VSTM5: variants seen among roughly 807,000 people sequenced by gnomAD.
The protein encoded by VSTM5 is V-set and transmembrane domain-containing protein 5.
A neutral mutation model predicts 20.3 loss-of-function variants in VSTM5; 21 were observed. The ratio of observed to expected loss-of-function variants is 1.03; its 90% CI spans 0.73 to 1.49. VSTM5 has a LOEUF of 1.49. VSTM5 is among the 40% of genes most tolerant of loss of function. VSTM5 has a pLI of 0.00. For missense variants in VSTM5, 219 were observed against 250.0 expected (o/e 0.88, Z 0.84); for synonymous variants, 100 against 102.5 (o/e 0.98, Z 0.14).
chr11:93,841,844 CA>C (rs1236088644), intron 1 of VSTM5, among the ~76,000 whole-genome samples: 2 of 152,140 alleles, frequency 1.3e-5, no homozygotes, highest in Non-Finnish European at 2.9e-5. Flanking sequence ...GTCAATGGAT[CA>C]AGAGTGAAAG....
At chr11:93,824,905 A>C (rs996935103) in intron 1 of VSTM5, among the ~76,000 whole-genome samples, 3 of 152,198 alleles carry the variant, frequency 2.0e-5, no homozygotes, top group Non-Finnish European at 4.4e-5. Flanking sequence ...TTTTGCCAAC[A>C]CCCTTTATGA....
intron 1 of VSTM5, among the ~76,000 whole-genome samples, chr11:93,845,451 T>G (rs954030669): frequency 6.6e-6 from 1 of 152,204 alleles, no homozygotes; most frequent in Non-Finnish European, 1.5e-5. Flanking sequence ...AAATGTCCTG[T>G]GCTCCTTTTA....
rs952993484 is a variant in VSTM5, at chr11:93,847,019, C to G, written c.91+3393G>C. Among the ~76,000 whole-genome samples the G allele has an allele frequency of 5.9e-5, 9 of 152,252 alleles. No individual in the cohort carries two copies. In the South Asian group the frequency reaches 1.7e-3, roughly 28 times the overall value. On this transcript the variant is annotated intron_variant, in intron 1 of 3. Coordinates refer to ENST00000409977, the MANE Select transcript of VSTM5 (RefSeq NM_001144871.2). ...TGACCTTGTGATCCGCCCGGCTCGG[C>G]CTCCCAAAGTGCTGGGATTACAGGC...
At position 93,818,768 on chromosome 11, in the gene VSTM5, A is replaced by G. The variant is rs1944153369; in HGVS notation, c.*1801T>C. The G allele has an allele frequency of 6.6e-6, 1 of 152,334 alleles. No homozygotes were observed. Among genetic ancestry groups the G allele is most frequent in the Admixed American group, 6.5e-5 (1 of 15,300 alleles). 9.4% of individuals were successfully genotyped at this position (152,334 alleles called of 1,614,324 possible). On this transcript the variant is annotated 3_prime_UTR_variant, in exon 4 of 4. Transcript: ENST00000409977. ...AAGACAAGAAAGAAATCAGCAGATT[A>G]TCCTTGAGCCCCTTGGATACTGCTC... is the stretch of plus-strand genomic sequence containing the variant.
At chr11:93,833,683 T>C (rs1395363213) in intron 1 of VSTM5, among the ~76,000 whole-genome samples, 2 of 152,152 alleles carry the variant, frequency 1.3e-5, no homozygotes, top group Non-Finnish European at 2.9e-5. Context: ...ACAAAACTTG[T>C]TCCTTTGAGA....
chr11:93,838,483 C>CA (rs965501164), intron 1 of VSTM5, among the ~76,000 whole-genome samples: 8 of 150,754 alleles, frequency 5.3e-5, no homozygotes, highest in African/African-American at 2.0e-4. Flanking sequence ...AAAAAACCCA[C>CA]AAAAAACAAA....
rs1264641099 is a variant in VSTM5 at position 93,819,921 on chromosome 11, A to C, written c.*648T>G. 1 of 152,468 alleles carries C rather than the reference A, an allele frequency of 6.6e-6. No homozygotes were observed. Among genetic ancestry groups the C allele is most frequent in the African/African-American group, 2.4e-5 (1 of 41,438 alleles). The allele number at this position is 152,468 out of a possible 1,614,324, so 9.4% of individuals were successfully genotyped here. On this transcript the variant is annotated 3_prime_UTR_variant, in exon 4 of 4. Transcript: ENST00000409977. ...TTGTATCCAAAGCTGGCCTCTCAGG[A>C]GTCCATTGAGCTCCTCTCCCATAAA...
At chr11:93,836,493 C>G (rs775724530) in intron 1 of VSTM5, among the ~76,000 whole-genome samples, 1 of 152,180 alleles carries the variant, frequency 6.6e-6, no homozygotes, top group African/African-American at 2.4e-5. Flanking sequence ...TTTCTTCAGC[C>G]CCTTGGATTC....
chr11:93,837,195 C>T (rs1311751670), intron 1 of VSTM5, among the ~76,000 whole-genome samples: 5 of 152,088 alleles, frequency 3.3e-5, no homozygotes, highest in South Asian at 2.1e-4. Flanking sequence ...CCACACCTGG[C>T]TAATTTTTGT....
rs1426079307 is a variant in VSTM5 at position 93,850,566 on chromosome 11, C to CAAT, written c.-65_-64insATT. ...GCCGCACCGCGCTGCAGCTCCTATGCAGCCTTCTCTCTTCCTCCGCCTCTG... is the reference window on the plus strand; with the variant it reads ...GCCGCACCGCGCTGCAGCTCCTATGCAATAGCCTTCTCTCTTCCTCCGCCTCTG... On this transcript the variant is annotated 5_prime_UTR_variant, in exon 1 of 4. Coordinates refer to ENST00000409977, the MANE Select transcript of VSTM5 (RefSeq NM_001144871.2). The CAAT allele has an allele frequency of 1.6e-6, 2 of 1,229,618 alleles. No individual in the cohort carries two copies. Among genetic ancestry groups the CAAT allele is most frequent in the Non-Finnish European group, 2.2e-6 (2 of 897,686 alleles). The allele number at this position is 1,229,618 out of a possible 1,614,324, so 76.2% of individuals were successfully genotyped here.
chr11:93,823,358 CAAATA>C (rs1221236991), intron 1 of VSTM5, among the ~76,000 whole-genome samples: 1 of 151,984 alleles, frequency 6.6e-6, no homozygotes, highest in Non-Finnish European at 1.5e-5. Flanking sequence ...ATTTAATTGA[CAAATA>C]AAGATTGTAT....
intron 1 of VSTM5, 79 bp downstream of exon 1, chr11:93,850,333 T>C: frequency 7.6e-7 from 1 of 1,316,900 alleles, no homozygotes; most frequent in Middle Eastern, 2.1e-4. Context: ...GGGGGGCCGC[T>C]GCTAGACCCC....
intron 1 of VSTM5, among the ~76,000 whole-genome samples, chr11:93,822,965 C>A (rs938720878): frequency 2.0e-5 from 3 of 152,176 alleles, no homozygotes; most frequent in Admixed American, 1.3e-4. Flanking sequence ...TTCTGTTAAC[C>A]ATGGTGGTCA....
intron 1 of VSTM5, among the ~76,000 whole-genome samples, chr11:93,849,462 C>G (rs1944440637): frequency 6.6e-6 from 1 of 152,220 alleles, no homozygotes; most frequent in Non-Finnish European, 1.5e-5. Flanking sequence ...TGGCTTATAA[C>G]ATTTCTGTGC....
At chr11:93,832,945 G>T (rs1033274809) in intron 1 of VSTM5, among the ~76,000 whole-genome samples, 1 of 152,146 alleles carries the variant, frequency 6.6e-6, no homozygotes, top group African/African-American at 2.4e-5. Flanking sequence ...ACATGGCTCA[G>T]TGCTGGCAAA....
chr11:93,847,428 T>C (rs1432213286), intron 1 of VSTM5, among the ~76,000 whole-genome samples: 3 of 152,202 alleles, frequency 2.0e-5, no homozygotes, highest in African/African-American at 4.8e-5. Flanking sequence ...GTGGCATCCC[T>C]GGGTCTGTCC....
intron 1 of VSTM5, among the ~76,000 whole-genome samples, chr11:93,833,704 C>T (rs1469905264): frequency 6.6e-6 from 1 of 152,124 alleles, no homozygotes; most frequent in Non-Finnish European, 1.5e-5. Flanking sequence ...TTGTTCCACA[C>T]TCTCCTCTCT....
intron 1 of VSTM5, among the ~76,000 whole-genome samples, chr11:93,834,765 A>G (rs1443145039): frequency 7.4e-6 from 1 of 135,362 alleles, no homozygotes; most frequent in Admixed American, 7.0e-5. Context: ...CCTGGGCGAC[A>G]GAGTGAGACT....
At chr11:93,836,025 A>G (rs1240629055) in intron 1 of VSTM5, among the ~76,000 whole-genome samples, 1 of 152,304 alleles carries the variant, frequency 6.6e-6, no homozygotes, top group East Asian at 1.9e-4. Flanking sequence ...GGTGTCCCCA[A>G]CCTCAGTGAA....
Sources: allele counts gnomAD v4.1 joint callset (sites outside exome capture counted in the v4.1 genomes callset), GRCh38; gene constraint gnomAD v4.1.1; transcripts MANE v1.5; gene names NCBI Gene and HGNC (gene_info 2026-07-23, HGNC 2026-07-21).